MSI2: variants seen among roughly 807,000 people sequenced by gnomAD.
MSI2 encodes RNA-binding protein Musashi homolog 2.
In MSI2, 17 loss-of-function variants were observed where a neutral mutation model predicts 45.6. That is an observed-to-expected ratio of 0.37 (90% CI 0.26 to 0.56). The LOEUF is 0.56. Among genes scored for constraint, MSI2 ranks in the 20% least tolerant of loss-of-function variants. The pLI, the probability that MSI2 is intolerant of heterozygous loss-of-function variation, is 0.77. For synonymous variants in MSI2, 156 were observed against 158.2 expected (o/e 0.99, Z 0.11); for missense variants, 293 against 444.2 (o/e 0.66, Z 3.06).
intron 6 of MSI2, chr17:57,522,459 A>G (rs1368483556): frequency 6.6e-6 from 1 of 151,920 alleles, no homozygotes; most frequent in Non-Finnish European, 1.5e-5. Context: ...GCGGGTGTGT[A>G]TATTTATATC....
intron 7 of MSI2, among the ~76,000 whole-genome samples, chr17:57,571,852 C>T (rs1307009950): frequency 2.0e-5 from 3 of 152,190 alleles, no homozygotes; most frequent in Admixed American, 2.0e-4. Context: ...CAGCCGACTG[C>T]GTGCCTCTGC....
chr17:57,396,475 T>G (rs1401445799), intron 5 of MSI2, among the ~76,000 whole-genome samples: 6 of 151,476 alleles, frequency 4.0e-5, no homozygotes, highest in Admixed American at 3.9e-4. Context: ...ATACAAACAG[T>G]GGTCCCATTC....
intron 5 of MSI2, among the ~76,000 whole-genome samples, chr17:57,301,768 G>A (rs1911439036): frequency 3.1e-5 from 4 of 129,084 alleles, no homozygotes; most frequent in Non-Finnish European, 5.2e-5. Flanking sequence ...GTGCTGCAGC[G>A]AATATTCTTG....
intron 8 of MSI2, among the ~76,000 whole-genome samples, chr17:57,607,806 C>CA (rs1356529374): frequency 1.6e-4 from 24 of 152,252 alleles, no homozygotes; most frequent in Middle Eastern, 6.8e-3. Flanking sequence ...CGGAGGAAGG[C>CA]AAAGTAGGAA....
intron 11 of MSI2, among the ~76,000 whole-genome samples, chr17:57,659,609 C>A (rs1165904639): frequency 1.3e-5 from 2 of 152,150 alleles, no homozygotes; most frequent in African/African-American, 4.8e-5. Flanking sequence ...AGGTGAAGAA[C>A]CCTGGACTTG....
chr17:57,463,425 G>T (rs1051584963), intron 6 of MSI2, among the ~76,000 whole-genome samples: 2 of 152,068 alleles, frequency 1.3e-5, no homozygotes, highest in African/African-American at 2.4e-5. Flanking sequence ...GCCAGTCACC[G>T]CTTCTGTCTC....
intron 5 of MSI2, among the ~76,000 whole-genome samples, chr17:57,269,602 C>T (rs906475195): frequency 5.3e-5 from 8 of 152,214 alleles, no homozygotes; most frequent in Admixed American, 1.3e-4. Context: ...TTGTTTCTAC[C>T]TTCTGTTCTC....
chr17:57,594,758 G>T (rs926986990), intron 7 of MSI2, among the ~76,000 whole-genome samples: 1 of 152,164 alleles, frequency 6.6e-6, no homozygotes, highest in Non-Finnish European at 1.5e-5. Context: ...TCTGCTTCAG[G>T]CCTCTGAGGT....
chr17:57,258,017 G>C (rs1906972273), intron 3 of MSI2, among the ~76,000 whole-genome samples: 1 of 152,106 alleles, frequency 6.6e-6, no homozygotes, highest in Non-Finnish European at 1.5e-5. Context: ...GGTGGCCAAA[G>C]AGTGGAGGCA....
chr17:57,652,266 C>T lies in MSI2; in HGVS notation c.790+105C>T. On this transcript the variant is annotated intron_variant, in intron 11 of 13. Coordinates refer to ENST00000284073, the MANE Select transcript of MSI2 (RefSeq NM_138962.4). This position sits in a 1 kb window ranked among gnomAD's most constrained non-coding sequence, Gnocchi z 4.1. ...GTGGCTGCATCTGTCCAACACCACT[C>T]TCACCACAGCCCCGGGGAGGGGGTG... is the stretch of plus-strand genomic sequence containing the variant. 1 of 1,176,180 alleles carries T rather than the reference C, an allele frequency of 8.5e-7. No homozygotes were observed. The highest frequency in any genetic ancestry group is 1.2e-6 in the Non-Finnish European group (1 of 804,510). The allele number at this position is 1,176,180 out of a possible 1,614,324, so 72.9% of individuals were successfully genotyped here. A position where few individuals can be genotyped will look rare whatever the true frequency, so the allele number is the denominator to read the frequency against.
intron 5 of MSI2, among the ~76,000 whole-genome samples, chr17:57,396,527 A>AT (rs906516038): frequency 2.0e-5 from 3 of 152,044 alleles, no homozygotes; most frequent in East Asian, 1.9e-4. Flanking sequence ...TTAAAAGGGA[A>AT]TTTTTTTTAA....
chr17:57,553,335 C>T (rs2087351227), intron 7 of MSI2, among the ~76,000 whole-genome samples: 1 of 152,204 alleles, frequency 6.6e-6, no homozygotes, highest in Non-Finnish European at 1.5e-5. Context: ...TTTCACTCGG[C>T]AATTTTTCAA....
At chr17:57,653,034 G>A (rs1466360371) in intron 11 of MSI2, among the ~76,000 whole-genome samples, 3 of 152,078 alleles carry the variant, frequency 2.0e-5, no homozygotes, top group South Asian at 2.1e-4. Flanking sequence ...CACGCCCCAC[G>A]GACAGGGCTC....
chr17:57,394,991 A>C (rs1186097993), intron 5 of MSI2, among the ~76,000 whole-genome samples: 1 of 152,250 alleles, frequency 6.6e-6, no homozygotes, highest in South Asian at 2.1e-4. Flanking sequence ...CTGAAATCAA[A>C]GTGTCAGCAG....
At position 57,285,784 on chromosome 17, in the gene MSI2, T is replaced by G. The variant is rs1016550124; in HGVS notation, c.312+23592T>G. On this transcript the variant is annotated intron_variant, in intron 5 of 13. Coordinates refer to ENST00000284073, the MANE Select transcript of MSI2 (RefSeq NM_138962.4). Reference sequence around the variant, plus strand: ...TATTTTCTTAGCAAGCATCATTATATTTTTAGAAATGTTTTCTTTTCTCCT... The same window carrying G: ...TATTTTCTTAGCAAGCATCATTATAGTTTTAGAAATGTTTTCTTTTCTCCT... The G allele has an allele frequency of 3.1e-6, 4 of 1,287,724 alleles. No homozygotes were observed. In the African/African-American group the frequency reaches 6.0e-5, roughly 19 times the overall value. 79.8% of individuals were successfully genotyped at this position (1,287,724 alleles called of 1,614,324 possible). A position where few individuals can be genotyped will look rare whatever the true frequency, so the allele number is the denominator to read the frequency against.
At chr17:57,504,788 C>T (rs958942550) in intron 6 of MSI2, among the ~76,000 whole-genome samples, 2 of 151,890 alleles carry the variant, frequency 1.3e-5, no homozygotes, top group East Asian at 1.9e-4. Flanking sequence ...AAAAATTAGC[C>T]GGGCAGGTGG....
chr17:57,650,371 G>A (rs953708856), intron 10 of MSI2, among the ~76,000 whole-genome samples: 1 of 152,230 alleles, frequency 6.6e-6, no homozygotes, highest in Non-Finnish European at 1.5e-5. Flanking sequence ...TGTCCTGGGG[G>A]TTGGGACAGA....
intron 5 of MSI2, among the ~76,000 whole-genome samples, chr17:57,271,388 G>A (rs560316941): frequency 1.3e-5 from 2 of 152,214 alleles, no homozygotes; most frequent in African/African-American, 4.8e-5. Flanking sequence ...GCCAAGGAGC[G>A]GGGGTGTCGG....
rs185553916 is a variant in MSI2, at chr17:57,380,453, G to A, written c.313-20926G>A. On this transcript the variant is annotated intron_variant, in intron 5 of 13. Transcript: ENST00000284073. The stretch of plus-strand genomic sequence containing the variant: ...CCAGACTTTCATTTTGGTTAGTAGC[G>A]GTGCTTGTCAGCAAGTTAGAAACTT... 2.2e-4 allele frequency among the ~76,000 whole-genome samples: 33 copies of A among 152,258 alleles called. No individual in the cohort carries two copies. In the East Asian group the frequency reaches 5.4e-3, roughly 25 times the overall value.
Sources: gnomAD v4.1 joint callset for allele counts (sites outside exome capture counted in the v4.1 genomes callset) on GRCh38, gnomAD v4.1.1 for gene constraint, Gnocchi (gnomAD v3.1) non-coding constraint, MANE v1.5 for transcripts, NCBI Gene and HGNC (gene_info 2026-07-23, HGNC 2026-07-21) for gene names.